The following UNC5B variants were observed in gnomAD, a reference collection of about 807,000 sequenced individuals.
The protein encoded by UNC5B is unc-5 netrin receptor B.
In UNC5B, 56 loss-of-function variants were observed where a neutral mutation model predicts 103.7. The ratio of observed to expected loss-of-function variants is 0.54; its 90% CI spans 0.44 to 0.67. The LOEUF (loss-of-function observed/expected upper bound fraction) is 0.67. UNC5B is among the 30% of genes least tolerant of loss of function. UNC5B has a pLI of 0.00. For synonymous variants in UNC5B, 577 were observed against 542.0 expected (o/e 1.06, Z -0.90); for missense variants, 1,194 against 1,284.5 (o/e 0.93, Z 1.08).
intron 1 of UNC5B, among the ~76,000 whole-genome samples, chr10:71,248,526 T>C (rs1338065224): frequency 1.3e-5 from 2 of 152,320 alleles, no homozygotes; most frequent in East Asian, 3.9e-4. Flanking sequence ...TTTAAATATT[T>C]GGGCCTAAAG....
chr10:71,218,820 T>G (rs1843391798), intron 1 of UNC5B, among the ~76,000 whole-genome samples: 1 of 152,230 alleles, frequency 6.6e-6, no homozygotes, highest in Non-Finnish European at 1.5e-5. Flanking sequence ...CTCTAGAGTT[T>G]GCTGGAGAAG....
chr10:71,296,544 T>G, intron 14 of UNC5B, 34 bp from the exon 15 acceptor site: 1 of 1,609,434 alleles, frequency 6.2e-7, no homozygotes, highest in Non-Finnish European at 8.5e-7. Context: ...CAGGCTGGCC[T>G]TGCCTGCCTG....
chr10:71,228,088 G>C (rs551880499), intron 1 of UNC5B, among the ~76,000 whole-genome samples: 1 of 152,204 alleles, frequency 6.6e-6, no homozygotes, highest in Non-Finnish European at 1.5e-5. Flanking sequence ...AACAAAGGTG[G>C]TATCACAGGT....
chr10:71,269,161 C>T (rs1844587947), intron 1 of UNC5B, among the ~76,000 whole-genome samples: 1 of 151,874 alleles, frequency 6.6e-6, no homozygotes, highest in South Asian at 2.1e-4. Flanking sequence ...ACTAAATATT[C>T]ATGCATCTAA....
Position 71,291,428 on chromosome 10 carries a change from G to GCAGGCAACCCGCAGCTCCTA in UNC5B, c.1295-1_1313dup. 6.3e-7 allele frequency: 1 copy of GCAGGCAACCCGCAGCTCCTA among 1,594,924 alleles called. No individual in the cohort carries two copies. The highest frequency in any genetic ancestry group is 8.5e-7 in the Non-Finnish European group (1 of 1,169,966). ...GGGTCTGACTATAGCCCCTACTCCT[G>GCAGGCAACCCGCAGCTCCTA]CAGGCAACCCGCAGCTCCTACACCC... On this transcript the variant is annotated splice_region_variant and splice_polypyrimidine_tract_variant and intron_variant, in intron 9 of 16. Coordinates refer to ENST00000335350, the MANE Select transcript of UNC5B (RefSeq NM_170744.5).
chr10:71,235,014 G>T (rs920454002), intron 1 of UNC5B, among the ~76,000 whole-genome samples: 1 of 152,028 alleles, frequency 6.6e-6, no homozygotes, highest in Non-Finnish European at 1.5e-5. Flanking sequence ...CACCCCCAGC[G>T]CCCAGGGGGG....
intron 1 of UNC5B, among the ~76,000 whole-genome samples, chr10:71,276,852 G>A (rs1279368813): frequency 6.7e-6 from 1 of 150,298 alleles, no homozygotes; most frequent in African/African-American, 2.4e-5. Context: ...TTATGTCCTG[G>A]CAGTCTCTGC....
chr10:71,251,625 C>T (rs79151165), intron 1 of UNC5B, among the ~76,000 whole-genome samples: 15,070 of 152,160 alleles, frequency 0.099, 1,010 homozygotes, highest in Middle Eastern at 0.2. Context: ...GAGATCGTTT[C>T]GCTCATGCCT....
intron 1 of UNC5B, among the ~76,000 whole-genome samples, chr10:71,225,786 C>T (rs78847369): frequency 1.7e-3 from 264 of 152,238 alleles, no homozygotes; most frequent in African/African-American, 6.2e-3. Context: ...AGTGCCAAGG[C>T]AGAGAGAAGC....
chr10:71,234,781 C>T (rs1183118225), intron 1 of UNC5B, among the ~76,000 whole-genome samples: 1 of 152,234 alleles, frequency 6.6e-6, no homozygotes, highest in African/African-American at 2.4e-5. Flanking sequence ...GCTGCTGGGT[C>T]TGGGGGCCCT....
At position 71,213,728 on chromosome 10, in the gene UNC5B, AGTGTGTGTGT is replaced by A. The variant is rs58235566; in HGVS notation, c.79+689_79+698del. Among the ~76,000 whole-genome samples, 73 of 131,468 alleles carry A rather than the reference AGTGTGTGTGT, an allele frequency of 5.6e-4. 1 individual carries two copies. The Middle Eastern group carries it at 0.012, about 21-fold the overall frequency. 86.2% of individuals were successfully genotyped at this position (131,468 alleles called of 152,430 possible). A position where few individuals can be genotyped will look rare whatever the true frequency, so the allele number is the denominator to read the frequency against. On this transcript the variant is annotated intron_variant, in intron 1 of 16. Coordinates refer to ENST00000335350, the MANE Select transcript of UNC5B (RefSeq NM_170744.5). The surrounding 1 kb of genome is among the most constrained non-coding windows in gnomAD (Gnocchi z 4.1). ...ATTATTAATTTTCTGAGTGTTGGAGAGTGTGTGTGTGTGTGTGTGTGTGTGTGTGTGTGTT... is the reference window on the plus strand; with the variant it reads ...ATTATTAATTTTCTGAGTGTTGGAGAGTGTGTGTGTGTGTGTGTGTGTGTT...
intron 1 of UNC5B, among the ~76,000 whole-genome samples, chr10:71,226,340 G>A (rs561833721): frequency 3.3e-5 from 5 of 152,346 alleles, no homozygotes; most frequent in Non-Finnish European, 7.3e-5. Flanking sequence ...CTCCCAAAGT[G>A]CTGGGATTAC....
chr10:71,270,517 ACT>A (rs1844624539), intron 1 of UNC5B, among the ~76,000 whole-genome samples: 2 of 152,060 alleles, frequency 1.3e-5, no homozygotes, highest in African/African-American at 2.4e-5. Context: ...TTATGAGATC[ACT>A]CTGGTGTTAA....
chr10:71,241,422 G>A (rs1843898567), intron 1 of UNC5B, among the ~76,000 whole-genome samples: 3 of 152,274 alleles, frequency 2.0e-5, no homozygotes, highest in South Asian at 2.1e-4. Context: ...CCCCACTGCC[G>A]CGTAGCCCTC....
chr10:71,285,785 G>A (rs1272298226), intron 4 of UNC5B, among the ~76,000 whole-genome samples: 1 of 152,152 alleles, frequency 6.6e-6, no homozygotes, highest in Non-Finnish European at 1.5e-5. Context: ...TCATGCGTGT[G>A]TGTGAGTGTG....
intron 13 of UNC5B, 90 bp downstream of exon 13, chr10:71,294,023 C>T: frequency 8.4e-7 from 1 of 1,187,624 alleles, no homozygotes; most frequent in Non-Finnish European, 1.2e-6. Flanking sequence ...ATGGGTCCTC[C>T]CAGGAACCCC....
chr10:71,258,894 G>T (rs10999752), intron 1 of UNC5B, among the ~76,000 whole-genome samples: 1 of 152,128 alleles, frequency 6.6e-6, no homozygotes, highest in Admixed American at 6.5e-5. Flanking sequence ...TGTCCTCCCC[G>T]CCCAGTGGCC....
intron 1 of UNC5B, among the ~76,000 whole-genome samples, chr10:71,240,131 G>A (rs1489377813): frequency 6.6e-6 from 1 of 152,082 alleles, no homozygotes; most frequent in East Asian, 1.9e-4. Context: ...CCCTGCTGCA[G>A]GAGGGAGTCC....
chr10:71,292,647 C>A, intron 11 of UNC5B, 93 bp downstream of exon 11: 1 of 1,045,356 alleles, frequency 9.6e-7, no homozygotes, highest in Non-Finnish European at 1.4e-6. Flanking sequence ...GATGCCAAGA[C>A]CAAACAGTCC....
Sources: gnomAD v4.1 joint callset for allele counts (sites outside exome capture counted in the v4.1 genomes callset) on GRCh38, gnomAD v4.1.1 for gene constraint, Gnocchi (gnomAD v3.1) non-coding constraint, MANE v1.5 for transcripts, NCBI Gene and HGNC (gene_info 2026-07-23, HGNC 2026-07-21) for gene names.